The following TMEM71 variants were observed in gnomAD, a reference collection of about 807,000 sequenced individuals.
TMEM71 encodes transmembrane protein 71.
A neutral mutation model predicts 38.0 loss-of-function variants in TMEM71; 44 were observed. The observed-to-expected ratio is 1.16, with a 90% CI of 0.91 to 1.49. The LOEUF is 1.49. Among genes scored for constraint, TMEM71 ranks in the 40% most tolerant of loss-of-function variants. The pLI is 0.00. For synonymous variants in TMEM71, 133 were observed against 122.5 expected, an observed-to-expected ratio of 1.09 and a Z score of -0.56; for missense variants, 367 against 348.6, an observed-to-expected ratio of 1.05 and a Z score of -0.42.
At chr8:132,752,928 G>A (rs559780199) in intron 3 of TMEM71, among the ~76,000 whole-genome samples, 4 of 151,952 alleles carry the variant, frequency 2.6e-5, no homozygotes, top group Non-Finnish European at 4.4e-5. Context: ...CCAAATTATT[G>A]TGAAAATGTT....
At chr8:132,713,844 T>C in intron 9 of TMEM71, 151 bp downstream of exon 9, 1 of 699,120 alleles carries the variant, frequency 1.4e-6, no homozygotes, top group East Asian at 2.7e-5. Flanking sequence ...ATAATACTAT[T>C]AAATTTTAGC....
At chr8:132,763,810 C>T (rs753041646), upstream of TMEM71, among the ~76,000 whole-genome samples, 13 of 152,194 alleles carry the variant, frequency 8.5e-5, no homozygotes, top group Non-Finnish European at 1.6e-4. Context: ...CATATCAGCT[C>T]CCACGTAAAG....
chr8:132,723,508 T>C (rs1471896669), intron 6 of TMEM71, among the ~76,000 whole-genome samples: 2 of 152,198 alleles, frequency 1.3e-5, no homozygotes, highest in African/African-American at 4.8e-5. Flanking sequence ...TTAGGAAGCC[T>C]ACCTTGATTC....
chr8:132,725,385 G>A (rs941125670), intron 6 of TMEM71, among the ~76,000 whole-genome samples: 17 of 152,070 alleles, frequency 1.1e-4, no homozygotes, highest in South Asian at 4.1e-4. Context: ...GGCTGGTCTG[G>A]TACAACCTTT....
chr8:132,766,447 A>T, the TMEM71 span, among the ~76,000 whole-genome samples: 9 of 152,068 alleles, frequency 5.9e-5, no homozygotes, highest in Non-Finnish European at 1.0e-4. Context: ...TGTATAATTT[A>T]CTACAGCCCT....
intron 1 of TMEM71, among the ~76,000 whole-genome samples, chr8:132,759,880 C>A (rs1212321096): frequency 6.6e-6 from 1 of 152,136 alleles, no homozygotes; most frequent in East Asian, 1.9e-4. Flanking sequence ...GTCAGGAGAA[C>A]TTTCTGGCCT....
the TMEM71 span, among the ~76,000 whole-genome samples, chr8:132,767,010 C>G: frequency 6.6e-6 from 1 of 152,092 alleles, no homozygotes; most frequent in Non-Finnish European, 1.5e-5. Context: ...AAAACTTCTC[C>G]TATTTAGCAA....
At chr8:132,757,503 G>A (rs776377657) in intron 2 of TMEM71, among the ~76,000 whole-genome samples, 1 of 152,018 alleles carries the variant, frequency 6.6e-6, no homozygotes, top group Non-Finnish European at 1.5e-5. Flanking sequence ...TAAACTAGAG[G>A]CTTCTATCTT....
In TMEM71 at chr8:132,747,014, T is replaced by G. The variant is rs1828428362; in HGVS notation, c.415A>C (p.Asn139His). Reference sequence around the variant, plus strand: ...CAGTTGTCTTCACTTGGAGAAGAGTTGATGTCACCAAAGATACTTCCATGC... The same window carrying G: ...CAGTTGTCTTCACTTGGAGAAGAGTGGATGTCACCAAAGATACTTCCATGC... ...WLHGSIFGDI[N>H]SSPSEDNWLK... Residue 139 changes from asparagine to histidine, a missense_variant, in exon 5 of 10, where the codon AAC becomes CAC. Coordinates refer to ENST00000677595, the MANE Select transcript of TMEM71 (RefSeq NM_001382403.1). 3.1e-6 allele frequency: 5 copies of G among 1,613,744 alleles called. No individual in the cohort carries two copies. Among genetic ancestry groups the G allele is most frequent in the Admixed American group, 1.7e-5 (1 of 59,900 alleles).
chr8:132,745,149 T>C (rs1028308882), intron 5 of TMEM71, among the ~76,000 whole-genome samples: 1 of 152,060 alleles, frequency 6.6e-6, no homozygotes, highest in African/African-American at 2.4e-5. Flanking sequence ...TCAAAAGCAA[T>C]TGCAACAAAA....
intron 4 of TMEM71, among the ~76,000 whole-genome samples, chr8:132,748,810 G>A (rs1828533573): frequency 6.6e-6 from 1 of 152,184 alleles, no homozygotes; most frequent in Admixed American, 6.5e-5. Context: ...AAGGGCTAGA[G>A]TTAAAAGTGG....
chr8:132,754,078 T>G (rs1220142924), intron 3 of TMEM71, among the ~76,000 whole-genome samples: 4 of 152,190 alleles, frequency 2.6e-5, no homozygotes, highest in African/African-American at 9.6e-5. Flanking sequence ...TCTCCACTTT[T>G]TAGAGTTCCT....
the TMEM71 span, among the ~76,000 whole-genome samples, chr8:132,767,330 A>G: frequency 6.6e-6 from 1 of 152,164 alleles, no homozygotes; most frequent in Non-Finnish European, 1.5e-5. Flanking sequence ...TTTAGTTGTC[A>G]TAATCTCTTT....
At chr8:132,738,698 C>G (rs1032035464) in intron 5 of TMEM71, among the ~76,000 whole-genome samples, 14 of 152,152 alleles carry the variant, frequency 9.2e-5, no homozygotes, top group Admixed American at 7.9e-4. Flanking sequence ...CCTCACCCCC[C>G]ACATCCCTGC....
chr8:132,714,291 A>G (rs1219437224), intron 7 of TMEM71, 76 bp from the exon 8 acceptor site: 19 of 1,107,066 alleles, frequency 1.7e-5, no homozygotes, highest in East Asian at 2.3e-5. Context: ...TAGACTTACT[A>G]TAGAATTATG....
intron 6 of TMEM71, among the ~76,000 whole-genome samples, chr8:132,727,331 A>G (rs1827201036): frequency 6.7e-6 from 1 of 149,854 alleles, no homozygotes; most frequent in African/African-American, 2.5e-5. Flanking sequence ...ATCTCAGCTC[A>G]CTGCAACCTC....
Position 132,726,000 on chromosome 8 carries a change from T to G in TMEM71, c.676+1798A>C, listed in dbSNP as rs146322803. ...GCACACTTATTAATTGGTCCACCAG[T>G]AATGAAGCATCATCTCTGTGCCTAT... is the stretch of plus-strand genomic sequence containing the variant. On this transcript the variant is annotated intron_variant, in intron 6 of 9. Transcript: ENST00000677595. 2.1e-3 allele frequency among the ~76,000 whole-genome samples: 320 copies of G among 152,350 alleles called. 2 individuals carry two copies. The highest frequency in any genetic ancestry group is 7.5e-3 in the African/African-American group (312 of 41,586).
chr8:132,767,883 T>G, the TMEM71 span, among the ~76,000 whole-genome samples: 1 of 152,186 alleles, frequency 6.6e-6, no homozygotes, highest in African/African-American at 2.4e-5. Context: ...CTGAAGAACT[T>G]TCAAACTCTT....
chr8:132,774,023 A>C, the TMEM71 span, among the ~76,000 whole-genome samples: 5 of 152,240 alleles, frequency 3.3e-5, no homozygotes, highest in Non-Finnish European at 7.3e-5. Context: ...CTATCATCTC[A>C]AGCAGTGCTT....
Sources: allele counts gnomAD v4.1 joint callset (sites outside exome capture counted in the v4.1 genomes callset), GRCh38; gene constraint gnomAD v4.1.1; transcripts MANE v1.5; gene names NCBI Gene and HGNC (gene_info 2026-07-23, HGNC 2026-07-21).